EYA1: variants seen among roughly 807,000 people sequenced by gnomAD.
EYA1 encodes EYA transcriptional coactivator and phosphatase 1.
A neutral mutation model predicts 82.0 loss-of-function variants in EYA1; 16 were observed. The ratio of observed to expected loss-of-function variants is 0.20; its 90% confidence interval spans 0.13 to 0.30. The LOEUF (loss-of-function observed/expected upper bound fraction) is 0.30, where lower values mean the gene tolerates loss of function less well. Among genes scored for constraint, EYA1 ranks in the 10% least tolerant of loss-of-function variants. The pLI is 1.00. For missense variants in EYA1, 633 were observed against 730.7 expected (o/e 0.87, Z 1.54); for synonymous variants, 261 against 264.4 (o/e 0.99, Z 0.12).
intron 11 of EYA1, among the ~76,000 whole-genome samples, chr8:71,263,804 T>C (rs1939496398): frequency 6.6e-6 from 1 of 152,196 alleles, no homozygotes; most frequent in Non-Finnish European, 1.5e-5. Flanking sequence ...ACAACATTCT[T>C]AAAGGCCTGA....
intron 9 of EYA1, among the ~76,000 whole-genome samples, chr8:71,294,525 GAAAGAGGTGTAACTCTA>G (rs1464444168): frequency 6.6e-6 from 1 of 152,072 alleles, no homozygotes; most frequent in African/African-American, 2.4e-5. Flanking sequence ...GAGAGAGAGA[GAAAGAGGTGTAACTCTA>G]AAAATTATAT....
At chr8:71,395,213 A>G (rs1459982684) in intron 2 of EYA1, among the ~76,000 whole-genome samples, 4 of 152,252 alleles carry the variant, frequency 2.6e-5, no homozygotes, top group East Asian at 1.9e-4. Context: ...GGGTTTTCTA[A>G]ATATACAATC....
At chr8:71,285,085 A>C (rs955110204) in intron 9 of EYA1, among the ~76,000 whole-genome samples, 1 of 152,248 alleles carries the variant, frequency 6.6e-6, no homozygotes, top group Admixed American at 6.5e-5. Flanking sequence ...AGAGATGCTC[A>C]ATGGCTGGTA....
At chr8:71,461,283 G>T (rs1309577730) in intron 2 of EYA1, among the ~76,000 whole-genome samples, 1 of 152,162 alleles carries the variant, frequency 6.6e-6, no homozygotes, top group Non-Finnish European at 1.5e-5. Flanking sequence ...GGGGAGTCAT[G>T]CATGGAGCGG....
chr8:71,487,941 C>G (rs974557135), intron 2 of EYA1, among the ~76,000 whole-genome samples: 2 of 152,102 alleles, frequency 1.3e-5, no homozygotes, highest in African/African-American at 4.8e-5. Flanking sequence ...ACCCTAGGAG[C>G]AGCAGTTCAA....
At chr8:71,245,928 A>G (rs2128907249) in intron 11 of EYA1, among the ~76,000 whole-genome samples, 1 of 152,270 alleles carries the variant, frequency 6.6e-6, no homozygotes, top group East Asian at 1.9e-4. Flanking sequence ...AGTGTTGGAC[A>G]TTAGCAGTGA....
upstream of EYA1, among the ~76,000 whole-genome samples, chr8:71,365,453 C>T (rs72654197): frequency 0.045 from 6,784 of 152,108 alleles, 196 homozygotes; most frequent in Non-Finnish European, 0.062. Context: ...ATATAATCAG[C>T]ACTTAAAGAC....
intron 2 of EYA1, among the ~76,000 whole-genome samples, chr8:71,387,651 G>GT (rs1440877707): frequency 2.6e-5 from 4 of 152,156 alleles, no homozygotes; most frequent in Admixed American, 2.6e-4. Context: ...AGTGTGGACA[G>GT]TGGTAGCATC....
At chr8:71,451,945 C>T (rs987477972) in intron 2 of EYA1, among the ~76,000 whole-genome samples, 18 of 152,272 alleles carry the variant, frequency 1.2e-4, no homozygotes, top group Admixed American at 2.6e-4. Flanking sequence ...TGCAGCCCAC[C>T]GAGCTTGAGC....
chr8:71,301,023 GA>G (rs1211615111), intron 7 of EYA1, among the ~76,000 whole-genome samples: 20 of 152,168 alleles, frequency 1.3e-4, no homozygotes, highest in Admixed American at 1.2e-3. Context: ...TCTATAATTA[GA>G]AATAAAAGCC....
chr8:71,468,600 T>G (rs1285490417), intron 2 of EYA1, among the ~76,000 whole-genome samples: 2 of 152,188 alleles, frequency 1.3e-5, no homozygotes. Context: ...AAATGTTACA[T>G]ATATTTTACC....
At chr8:71,426,048 A>C (rs1292875423) in intron 2 of EYA1, among the ~76,000 whole-genome samples, 1 of 152,220 alleles carries the variant, frequency 6.6e-6, no homozygotes, top group Non-Finnish European at 1.5e-5. Flanking sequence ...AAGGAATGAA[A>C]TATAATATCA....
intron 9 of EYA1, among the ~76,000 whole-genome samples, chr8:71,273,879 A>G (rs1386653211): frequency 1.3e-5 from 2 of 152,218 alleles, no homozygotes; most frequent in Non-Finnish European, 2.9e-5. Context: ...ACTTACCGAC[A>G]GTATAATTTT....
intron 3 of EYA1, among the ~76,000 whole-genome samples, chr8:71,346,849 TAATG>T (rs1218663215): frequency 6.6e-6 from 1 of 152,204 alleles, no homozygotes; most frequent in Non-Finnish European, 1.5e-5. Context: ...ATTGTAAACT[TAATG>T]AATGCTCTTA....
chr8:71,438,182 C>A (rs979478876), intron 2 of EYA1, among the ~76,000 whole-genome samples: 6 of 151,884 alleles, frequency 4.0e-5, no homozygotes, highest in Non-Finnish European at 7.4e-5. Flanking sequence ...AAAAATAGAA[C>A]AAAATTGCCT....
chr8:71,336,638 A>C (rs1454460132), intron 3 of EYA1, among the ~76,000 whole-genome samples: 1 of 152,182 alleles, frequency 6.6e-6, no homozygotes, highest in African/African-American at 2.4e-5. Context: ...AATCCATTAA[A>C]ACTAGGCAAA....
chr8:71,519,744 A>G (rs1011707058), intron 2 of EYA1, among the ~76,000 whole-genome samples: 1 of 151,694 alleles, frequency 6.6e-6, no homozygotes, highest in African/African-American at 2.4e-5. Flanking sequence ...CAGTCAAAAC[A>G]TTCCAGACTT....
intron 12 of EYA1, among the ~76,000 whole-genome samples, chr8:71,228,410 A>G (rs962507403): frequency 6.6e-6 from 1 of 151,918 alleles, no homozygotes; most frequent in African/African-American, 2.4e-5. Flanking sequence ...CCCCCAAATC[A>G]TTGGGTGTTA....
intron 12 of EYA1, among the ~76,000 whole-genome samples, chr8:71,242,511 GCTTTTT>G (rs1163154537): frequency 2.6e-5 from 4 of 152,084 alleles, no homozygotes; most frequent in Admixed American, 6.5e-5. Context: ...TTCATAGACT[GCTTTTT>G]CTTTTTCTTT....
Sources: allele counts gnomAD v4.1 joint callset (sites outside exome capture counted in the v4.1 genomes callset), GRCh38; gene constraint gnomAD v4.1.1; transcripts MANE v1.5; gene names NCBI Gene and HGNC (gene_info 2026-07-23, HGNC 2026-07-21).